The following ARHGEF28 variants were observed in gnomAD, a reference collection of about 807,000 sequenced individuals.
ARHGEF28 encodes the protein 190 kDa guanine nucleotide exchange factor.
Under a neutral mutation model 206.6 loss-of-function variants are expected in ARHGEF28, and 152 were observed. The observed-to-expected ratio is 0.74, with a 90% CI of 0.64 to 0.84. The LOEUF is 0.84. ARHGEF28 is among the 40% of genes least tolerant of loss of function. ARHGEF28 has a pLI of 0.00. For synonymous variants in ARHGEF28, 763 were observed against 776.4 expected, an observed-to-expected ratio of 0.98 and a Z score of 0.29; for missense variants, 2,028 against 2,073.2, an observed-to-expected ratio of 0.98 and a Z score of 0.42.
intron 4 of ARHGEF28, among the ~76,000 whole-genome samples, chr5:73,773,063 A>G (rs10062885): frequency 0.18 from 28,136 of 152,228 alleles, 3,054 homozygotes; most frequent in Non-Finnish European, 0.24. Context: ...TAGAGATTTT[A>G]ACAGCCAATT....
chr5:73,821,997 C>T lies in ARHGEF28; in HGVS notation c.1025-10341C>T, dbSNP rs138635338. On this transcript the variant is annotated intron_variant, in intron 9 of 35. Coordinates refer to ENST00000513042, the MANE Select transcript of ARHGEF28 (RefSeq NM_001177693.2). ...GAGGCCTGCAGTTTCCCCATCTTCT[C>T]CTGACTTCCCCCTATGTCTCTCCCC... is the stretch of plus-strand genomic sequence containing the variant. Among the ~76,000 whole-genome samples the T allele has an allele frequency of 3.3e-5, 5 of 152,270 alleles. No individual in the cohort carries two copies. The East Asian group carries it at 9.6e-4, about 29-fold the overall frequency.
At chr5:73,689,463 C>T (rs151036177) in intron 2 of ARHGEF28, among the ~76,000 whole-genome samples, 2 of 152,316 alleles carry the variant, frequency 1.3e-5, no homozygotes, top group African/African-American at 2.4e-5. Flanking sequence ...CTGCCTTAGC[C>T]TCCCCAGTAG....
intron 7 of ARHGEF28, among the ~76,000 whole-genome samples, chr5:73,781,542 G>A (rs1753845410): frequency 6.6e-6 from 1 of 152,050 alleles, no homozygotes; most frequent in Admixed American, 6.6e-5. Context: ...TTTTCCATAT[G>A]CAAATTAATT....
chr5:73,651,775 T>C (rs1744851386), intron 1 of ARHGEF28, among the ~76,000 whole-genome samples: 1 of 152,228 alleles, frequency 6.6e-6, no homozygotes, highest in African/African-American at 2.4e-5. Flanking sequence ...TTAGGCTATT[T>C]CCAACATTTT....
At chr5:73,708,425 G>A (rs777233843) in intron 2 of ARHGEF28, among the ~76,000 whole-genome samples, 2 of 151,886 alleles carry the variant, frequency 1.3e-5, no homozygotes, top group African/African-American at 4.8e-5. Context: ...CCAATATTTA[G>A]CTCCCACTTA....
At position 73,852,675 on chromosome 5, in the gene ARHGEF28, GCCA is replaced by G. The variant is rs779479584; in HGVS notation, c.1777_1779del (p.Pro593del). ...AGCAAAGAGCTTACAGCTTATCGGAGCCACCAAGAGAAAACAGGTACTTTTAAC... is the reference window on the plus strand; with the variant it reads ...AGCAAAGAGCTTACAGCTTATCGGAGCCAAGAGAAAACAGGTACTTTTAAC... On this transcript the variant is annotated inframe_deletion, in exon 14 of 36. Coordinates refer to ENST00000513042, the MANE Select transcript of ARHGEF28 (RefSeq NM_001177693.2). The G allele has an allele frequency of 6.8e-6, 11 of 1,613,624 alleles. No homozygotes were observed. The East Asian group carries it at 2.0e-4, about 29-fold the overall frequency.
chr5:73,700,599 G>A (rs957618744), intron 2 of ARHGEF28, among the ~76,000 whole-genome samples: 5 of 152,064 alleles, frequency 3.3e-5, no homozygotes, highest in Non-Finnish European at 5.9e-5. Flanking sequence ...GTAAAGTATC[G>A]TATATTACAA....
intron 35 of ARHGEF28, among the ~76,000 whole-genome samples, chr5:73,938,076 C>T (rs1047097250): frequency 1.3e-5 from 2 of 151,824 alleles, no homozygotes; most frequent in Non-Finnish European, 2.9e-5. Flanking sequence ...CACCTTAGGG[C>T]ACAACAAGCT....
At chr5:73,802,410 T>G (rs1451242797) in intron 9 of ARHGEF28, among the ~76,000 whole-genome samples, 1 of 152,174 alleles carries the variant, frequency 6.6e-6, no homozygotes, top group Non-Finnish European at 1.5e-5. Flanking sequence ...TTTAGTACAT[T>G]CTAAATTACC....
intron 16 of ARHGEF28, among the ~76,000 whole-genome samples, chr5:73,861,997 A>G (rs1759433082): frequency 1.3e-5 from 2 of 152,074 alleles, no homozygotes; most frequent in African/African-American, 2.4e-5. Context: ...TTTGTTTTTA[A>G]TTGTGAAGGT....
chr5:73,932,839 C>T (rs796523756), intron 35 of ARHGEF28, among the ~76,000 whole-genome samples: 217 of 88,792 alleles, frequency 2.4e-3, no homozygotes, highest in East Asian at 0.016. Flanking sequence ...GACAGAGTTT[C>T]GCTCTGTCGC....
intron 9 of ARHGEF28, among the ~76,000 whole-genome samples, chr5:73,828,624 C>T (rs374042605): frequency 8.0e-6 from 1 of 124,724 alleles, no homozygotes; most frequent in African/African-American, 3.1e-5. Flanking sequence ...TTCTTTTTTC[C>T]TTTTTCCTTT....
chr5:73,783,381 T>TGG (rs780199969), intron 7 of ARHGEF28, among the ~76,000 whole-genome samples: 6 of 126,616 alleles, frequency 4.7e-5, no homozygotes, highest in Admixed American at 3.2e-4. Flanking sequence ...TGTGTGTGTG[T>TGG]GTGTATGTGT....
intron 5 of ARHGEF28, among the ~76,000 whole-genome samples, chr5:73,774,309 A>C (rs1390736575): frequency 2.0e-5 from 3 of 152,218 alleles, no homozygotes; most frequent in Non-Finnish European, 4.4e-5. Context: ...ATTTCAGCTT[A>C]AATGTCAACC....
At position 73,892,117 on chromosome 5, in the gene ARHGEF28, A is replaced by C; in HGVS notation, c.3453A>C (p.Arg1151Ser). The change falls in exon 27 of 36, where the codon AGA becomes AGC. Residue 1151 changes from arginine (R) to serine (S), a missense_variant. Transcript: ENST00000513042. Reference sequence around the variant, plus strand: ...CTAGAGAAGTTGCTAATGAGGAGAGAGGAATGTTTCTGATCAGTGCTTCAT... The same window carrying C: ...CTAGAGAAGTTGCTAATGAGGAGAGCGGAATGTTTCTGATCAGTGCTTCAT... ...LIAREVANEE[R>S]GMFLISASSA... is the part of the protein sequence containing the mutation. The C allele has an allele frequency of 6.3e-7, 1 of 1,595,764 alleles. No individual in the cohort carries two copies. The highest frequency in any genetic ancestry group is 8.5e-7 in the Non-Finnish European group (1 of 1,170,088).
In ARHGEF28 at chr5:73,760,535, T is replaced by C. The variant is rs192554305; in HGVS notation, c.475+7333T>C. On this transcript the variant is annotated intron_variant, in intron 4 of 35. Coordinates refer to ENST00000513042, the MANE Select transcript of ARHGEF28 (RefSeq NM_001177693.2). Reference sequence around the variant, plus strand: ...TCCTTCTGTTGCTAAGGCAACCCACTGGATGAACACTAGGGGTGGAGAGAA... The same window carrying C: ...TCCTTCTGTTGCTAAGGCAACCCACCGGATGAACACTAGGGGTGGAGAGAA... Among the ~76,000 whole-genome samples the C allele has an allele frequency of 1.0e-3, 153 of 152,324 alleles. 2 individuals are homozygous for C. Among genetic ancestry groups the C allele is most frequent in the African/African-American group, 3.5e-3 (146 of 41,576 alleles).
intron 20 of ARHGEF28, 129 bp downstream of exon 20, chr5:73,868,356 T>G: frequency 8.3e-7 from 1 of 1,207,476 alleles, no homozygotes; most frequent in Non-Finnish European, 1.1e-6. Context: ...AGGGTGTCTC[T>G]TTGGTATAGG....
chr5:73,850,972 T>C (rs1758659423), intron 13 of ARHGEF28, among the ~76,000 whole-genome samples: 1 of 152,166 alleles, frequency 6.6e-6, no homozygotes, highest in South Asian at 2.1e-4. Flanking sequence ...GATAGACTTA[T>C]ATGGCTGCAA....
chr5:73,853,575 T>G (rs1394032062), intron 14 of ARHGEF28, among the ~76,000 whole-genome samples: 1 of 152,186 alleles, frequency 6.6e-6, no homozygotes, highest in Non-Finnish European at 1.5e-5. Flanking sequence ...AATAGAAACT[T>G]TCAAATGATA....
Sources: allele counts gnomAD v4.1 joint callset (sites outside exome capture counted in the v4.1 genomes callset), GRCh38; gene constraint gnomAD v4.1.1; transcripts MANE v1.5; gene names NCBI Gene and HGNC (gene_info 2026-07-23, HGNC 2026-07-21).